The following RANBP10 variants were observed in gnomAD, a reference collection of about 807,000 sequenced individuals.
The protein encoded by RANBP10 is ran-binding protein 10.
Under a neutral mutation model 72.8 loss-of-function variants are expected in RANBP10, and 24 were observed. That is an observed-to-expected ratio of 0.33 (90% CI 0.24 to 0.46). RANBP10 has a LOEUF of 0.46. Among genes scored for constraint, RANBP10 ranks in the 20% least tolerant of loss-of-function variants. The pLI, the probability that RANBP10 is intolerant of heterozygous loss-of-function variation, is 1.00. For missense variants in RANBP10, 679 were observed against 817.5 expected (o/e 0.83, Z 2.07); for synonymous variants, 310 against 322.3 (o/e 0.96, Z 0.41).
intron 3 of RANBP10, among the ~76,000 whole-genome samples, chr16:67,769,160 G>A (rs73591968): frequency 0.14 from 21,504 of 151,856 alleles, 1,731 homozygotes; most frequent in African/African-American, 0.21. Context: ...AAGAGTCCCC[G>A]GCCAGGAGCA....
At chr16:67,777,069 G>C (rs2054719696) in intron 2 of RANBP10, among the ~76,000 whole-genome samples, 2 of 151,806 alleles carry the variant, frequency 1.3e-5, no homozygotes, top group African/African-American at 4.8e-5. Context: ...AATTAGCCGG[G>C]CGTGGTGGTG....
At chr16:67,757,049 A>G (rs2054298689) in intron 3 of RANBP10, among the ~76,000 whole-genome samples, 1 of 152,054 alleles carries the variant, frequency 6.6e-6, no homozygotes, top group African/African-American at 2.4e-5. Context: ...AACTAAAAAT[A>G]TTTTAAAAAT....
At chr16:67,758,369 T>C (rs2054329681) in intron 3 of RANBP10, among the ~76,000 whole-genome samples, 1 of 152,150 alleles carries the variant, frequency 6.6e-6, no homozygotes, top group Non-Finnish European at 1.5e-5. Context: ...GGGTTTAGCT[T>C]TTGCTTGTTT....
At chr16:67,804,808 C>T (rs899777094) in intron 2 of RANBP10, among the ~76,000 whole-genome samples, 2 of 152,072 alleles carry the variant, frequency 1.3e-5, no homozygotes, top group African/African-American at 2.4e-5. Flanking sequence ...GGATTACAGG[C>T]GTGAGCCACC....
At chr16:67,761,150 CA>C (rs930640112) in intron 3 of RANBP10, among the ~76,000 whole-genome samples, 2 of 152,106 alleles carry the variant, frequency 1.3e-5, no homozygotes, top group African/African-American at 2.4e-5. Flanking sequence ...CTAAGAAGGC[CA>C]AAAAACACCT....
At chr16:67,756,975 T>G (rs1174035897) in intron 3 of RANBP10, among the ~76,000 whole-genome samples, 1 of 152,020 alleles carries the variant, frequency 6.6e-6, no homozygotes, top group African/African-American at 2.4e-5. Context: ...GAGGCCGAGG[T>G]GGGCGGATCA....
chr16:67,752,685 T>C (rs1192621893), intron 3 of RANBP10, among the ~76,000 whole-genome samples: 1 of 152,012 alleles, frequency 6.6e-6, no homozygotes, highest in African/African-American at 2.4e-5. Context: ...CAAAAGGCAG[T>C]TGGAGGTTGA....
chr16:67,776,791 A>G (rs906960349), intron 2 of RANBP10, among the ~76,000 whole-genome samples: 22 of 151,956 alleles, frequency 1.4e-4, no homozygotes, highest in African/African-American at 4.6e-4. Flanking sequence ...AAGAAAAAGA[A>G]AAAGAAAAAA....
chr16:67,733,464 C>G (rs2053775382), intron 6 of RANBP10, among the ~76,000 whole-genome samples: 1 of 152,006 alleles, frequency 6.6e-6, no homozygotes, highest in Non-Finnish European at 1.5e-5. Flanking sequence ...AGAGGGTTAC[C>G]TACACAAGTA....
At chr16:67,756,722 A>G (rs1166066981) in intron 3 of RANBP10, among the ~76,000 whole-genome samples, 1 of 152,048 alleles carries the variant, frequency 6.6e-6, no homozygotes, top group African/African-American at 2.4e-5. Flanking sequence ...ACAAAAAACA[A>G]AACAAAAAAC....
At chr16:67,738,062 G>C in intron 4 of RANBP10, 27 bp from the exon 5 acceptor site, 1 of 1,578,458 alleles carries the variant, frequency 6.3e-7, no homozygotes, top group Non-Finnish European at 8.6e-7. Context: ...ACAGTCATCA[G>C]GGCCAGCCCC....
intron 3 of RANBP10, among the ~76,000 whole-genome samples, chr16:67,749,981 C>T (rs1403909527): frequency 6.6e-6 from 1 of 152,234 alleles, no homozygotes; most frequent in African/African-American, 2.4e-5. Context: ...CCCTGCCCCT[C>T]ATCCCTCAGA....
rs1193286092 is a variant in RANBP10, at chr16:67,725,924, C to G, written c.*504G>C. 3.9e-5 allele frequency: 6 copies of G among 151,900 alleles called. No homozygotes were observed. The highest frequency in any genetic ancestry group is 8.8e-5 in the Non-Finnish European group (6 of 67,898). The allele number at this position is 151,900 out of a possible 1,614,324, so 9.4% of individuals were successfully genotyped here. On this transcript the variant is annotated 3_prime_UTR_variant, in exon 14 of 14. Transcript: ENST00000317506. Reference sequence around the variant, plus strand: ...ACAGCCTCACCCAAGAGGTGCTGGACCACTAATGCTACGATAAATACTGTC... The same window carrying G: ...ACAGCCTCACCCAAGAGGTGCTGGAGCACTAATGCTACGATAAATACTGTC...
intron 3 of RANBP10, among the ~76,000 whole-genome samples, chr16:67,751,483 G>C (rs1281538633): frequency 6.6e-6 from 1 of 151,990 alleles, no homozygotes; most frequent in Admixed American, 6.6e-5. Context: ...AACTTAGCTG[G>C]GTGTGGTAGC....
chr16:67,771,742 G>A (rs2054611136), intron 3 of RANBP10, among the ~76,000 whole-genome samples: 4 of 152,200 alleles, frequency 2.6e-5, no homozygotes, highest in Admixed American at 2.6e-4. Flanking sequence ...AGGCCAATGG[G>A]AGCAAGGGCT....
At chr16:67,799,285 CT>C (rs869030467) in intron 2 of RANBP10, among the ~76,000 whole-genome samples, 10,825 of 113,920 alleles carry the variant, frequency 0.095, 521 homozygotes, top group African/African-American at 0.25. Flanking sequence ...CTCCACATCT[CT>C]TTTTTTTTTT....
intron 2 of RANBP10, among the ~76,000 whole-genome samples, chr16:67,776,193 C>T (rs2054701662): frequency 6.6e-6 from 1 of 151,256 alleles, no homozygotes; most frequent in Admixed American, 6.6e-5. Context: ...GGTGTGGTAG[C>T]TCACACCTGT....
Position 67,726,334 on chromosome 16 carries a change from T to C in RANBP10, c.*94A>G, listed in dbSNP as rs761544995. On this transcript the variant is annotated 3_prime_UTR_variant, in exon 14 of 14. Transcript: ENST00000317506. ...CAGGAGGAGTGGACTCTGTCTATGG[T>C]TTCCCAGTCCCTGCACCAGTTGCCT... 4 of 1,564,722 alleles carry C rather than the reference T, an allele frequency of 2.6e-6. No homozygotes were observed. The highest frequency in any genetic ancestry group is 3.5e-6 in the Non-Finnish European group (4 of 1,151,564).
At chr16:67,777,334 A>C (rs2143014205) in intron 2 of RANBP10, among the ~76,000 whole-genome samples, 1 of 152,188 alleles carries the variant, frequency 6.6e-6, no homozygotes, top group East Asian at 1.9e-4. Flanking sequence ...CAGGAGATTG[A>C]GACCATCCTG....
Sources: allele counts gnomAD v4.1 joint callset (sites outside exome capture counted in the v4.1 genomes callset), GRCh38; gene constraint gnomAD v4.1.1; transcripts MANE v1.5; gene names NCBI Gene and HGNC (gene_info 2026-07-23, HGNC 2026-07-21).